MALL: variants seen among roughly 807,000 people sequenced by gnomAD.
MALL encodes MAL-like protein.
MALL carries 2 observed loss-of-function variants against 10.3 expected under a neutral mutation model. That is an observed-to-expected ratio of 0.19 (90% CI 0.08 to 0.61). The LOEUF (loss-of-function observed/expected upper bound fraction) is 0.61, where lower values mean the gene tolerates loss of function less well. Ranked by LOEUF, MALL falls within the 20% of genes least tolerant of loss-of-function variation. MALL has a pLI of 0.88. For synonymous variants in MALL, 27 were observed against 51.8 expected (o/e 0.52, Z 2.05); for missense variants, 39 against 115.2 (o/e 0.34, Z 3.03).
chr2:110,108,337 A>T (rs1260850596), intron 1 of MALL, among the ~76,000 whole-genome samples: 1 of 152,144 alleles, frequency 6.6e-6, no homozygotes, highest in Admixed American at 6.5e-5. Context: ...TAGCTTAAAG[A>T]AAAAACAGTC....
chr2:110,110,164 G>T (rs945086457), intron 1 of MALL, among the ~76,000 whole-genome samples: 4 of 151,954 alleles, frequency 2.6e-5, no homozygotes, highest in African/African-American at 9.7e-5. Context: ...CAAGGAACTA[G>T]AGAATCAAGA....
At chr2:110,114,811 C>A (rs1678874038) in intron 1 of MALL, among the ~76,000 whole-genome samples, 1 of 151,856 alleles carries the variant, frequency 6.6e-6, no homozygotes, top group Admixed American at 6.6e-5. Flanking sequence ...AAAATACCAC[C>A]CACAAGCTAG....
intron 1 of MALL, among the ~76,000 whole-genome samples, chr2:110,111,029 T>G (rs1329239627): frequency 6.6e-6 from 1 of 152,092 alleles, no homozygotes; most frequent in Non-Finnish European, 1.5e-5. Context: ...TGCTTTATTG[T>G]CAAAACTCTC....
At chr2:110,098,282 G>A (rs1678487474) in intron 1 of MALL, among the ~76,000 whole-genome samples, 1 of 151,760 alleles carries the variant, frequency 6.6e-6, no homozygotes, top group Admixed American at 6.6e-5. Context: ...TGGCATTCAT[G>A]TTCATTCACA....
upstream of MALL, among the ~76,000 whole-genome samples, chr2:110,117,624 T>TGAGA (rs70958730): frequency 1.6e-5 from 2 of 122,718 alleles, no homozygotes; most frequent in Admixed American, 1.6e-4. Context: ...TGTGTGTGTG[T>TGAGA]GAGAGAGAGA....
intron 1 of MALL, among the ~76,000 whole-genome samples, chr2:110,100,971 A>G (rs1678551810): frequency 6.6e-6 from 1 of 152,046 alleles, no homozygotes; most frequent in African/African-American, 2.4e-5. Context: ...TCCTACCCCA[A>G]GTGCCACAGC....
chr2:110,117,052 C>T (rs1436981456), upstream of MALL, among the ~76,000 whole-genome samples: 5 of 152,098 alleles, frequency 3.3e-5, no homozygotes, highest in Admixed American at 3.3e-4. Flanking sequence ...AAGCTAAGAC[C>T]AAAGGCATTG....
At chr2:110,117,404 A>T (rs1678939314), upstream of MALL, among the ~76,000 whole-genome samples, 1 of 152,178 alleles carries the variant, frequency 6.6e-6, no homozygotes, top group Non-Finnish European at 1.5e-5. Context: ...TGGAGAAAAT[A>T]ATACAACCCA....
intron 1 of MALL, among the ~76,000 whole-genome samples, chr2:110,106,550 T>C (rs1005501559): frequency 9.2e-5 from 14 of 152,220 alleles, no homozygotes; most frequent in Admixed American, 7.2e-4. Flanking sequence ...GAAATCTAAA[T>C]TCACCAGTAA....
intron 1 of MALL, among the ~76,000 whole-genome samples, chr2:110,112,855 T>A (rs756087621): frequency 2.0e-5 from 3 of 150,264 alleles, no homozygotes; most frequent in Non-Finnish European, 4.4e-5. Flanking sequence ...AATCAATGGG[T>A]AGATAAAGAA....
At chr2:110,107,185 G>A (rs1051744645) in intron 1 of MALL, among the ~76,000 whole-genome samples, 3 of 152,142 alleles carry the variant, frequency 2.0e-5, no homozygotes, top group African/African-American at 7.2e-5. Flanking sequence ...ACACATGTGA[G>A]AAAAGTGGAG....
intron 1 of MALL, among the ~76,000 whole-genome samples, chr2:110,100,040 C>G (rs1678529455): frequency 6.6e-6 from 1 of 152,106 alleles, no homozygotes; most frequent in African/African-American, 2.4e-5. Flanking sequence ...ACCTGACTCC[C>G]AGGCCAAACT....
intron 1 of MALL, among the ~76,000 whole-genome samples, chr2:110,094,970 T>C (rs1037398605): frequency 1.6e-5 from 2 of 123,112 alleles, no homozygotes; most frequent in African/African-American, 6.4e-5. Flanking sequence ...TCAAACGTCA[T>C]GGGAACCTTC....
intron 1 of MALL, among the ~76,000 whole-genome samples, chr2:110,105,252 T>TGGCCAAGG (rs1423083563): frequency 6.6e-6 from 1 of 152,248 alleles, no homozygotes; most frequent in African/African-American, 2.4e-5. Context: ...GGGCTGGGCC[T>TGGCCAAGG]GGCCAAGGGG....
chr2:110,098,837 T>TA (rs1382511153), intron 1 of MALL, among the ~76,000 whole-genome samples: 1 of 151,914 alleles, frequency 6.6e-6, no homozygotes, highest in Non-Finnish European at 1.5e-5. Flanking sequence ...ACCCTGTCTC[T>TA]AAAAAAATAC....
upstream of MALL, among the ~76,000 whole-genome samples, chr2:110,117,321 A>T (rs1678938147): frequency 6.6e-6 from 1 of 152,160 alleles, no homozygotes; most frequent in Non-Finnish European, 1.5e-5. Flanking sequence ...TGACTTGCCC[A>T]TGGACAACAT....
intron 1 of MALL, among the ~76,000 whole-genome samples, chr2:110,102,229 T>C (rs1678586401): frequency 6.6e-6 from 1 of 152,054 alleles, no homozygotes; most frequent in African/African-American, 2.4e-5. Flanking sequence ...CCTGCTTGGC[T>C]CTCCCCAGCT....
chr2:110,102,127 C>T (rs1370744594), intron 1 of MALL, among the ~76,000 whole-genome samples: 2 of 152,146 alleles, frequency 1.3e-5, no homozygotes, highest in Non-Finnish European at 2.9e-5. Context: ...GTCCCCATAC[C>T]CTCCTTTCTC....
At chr2:110,096,158 GA>G (rs1273321431) in intron 1 of MALL, among the ~76,000 whole-genome samples, 2 of 152,146 alleles carry the variant, frequency 1.3e-5, no homozygotes, top group African/African-American at 4.8e-5. Context: ...GGGACTTCAA[GA>G]AAGCCCCAGG....
Sources: gnomAD v4.1 joint callset for allele counts (sites outside exome capture counted in the v4.1 genomes callset) on GRCh38, gnomAD v4.1.1 for gene constraint, MANE v1.5 for transcripts, NCBI Gene and HGNC (gene_info 2026-07-23, HGNC 2026-07-21) for gene names.